The following SUMF1 variants were observed in gnomAD, a reference collection of about 807,000 sequenced individuals.
The protein encoded by SUMF1 is sulfatase modifying factor 1, also known as formylglycine-generating enzyme.
SUMF1 carries 48 observed loss-of-function variants against 47.6 expected under a neutral mutation model. That is an observed-to-expected ratio of 1.01 (90% CI 0.80 to 1.28). The LOEUF (loss-of-function observed/expected upper bound fraction) is 1.28. SUMF1 is among the 50% of genes most tolerant of loss of function. The probability of loss-of-function intolerance (pLI) is 0.00; values close to 1 mark genes in which losing one functional copy is unlikely to be tolerated. For missense variants in SUMF1, 571 were observed against 485.4 expected (o/e 1.18, Z -1.66); for synonymous variants, 230 against 192.1 (o/e 1.20, Z -1.63).
chr3:4,379,745 G>C (rs1700441281), intron 7 of SUMF1, among the ~76,000 whole-genome samples: 1 of 151,442 alleles, frequency 6.6e-6, no homozygotes, highest in Non-Finnish European at 1.5e-5. Context: ...GGGAGGCTGA[G>C]GCAGGAGAAT....
At position 4,158,014 on chromosome 3, in the gene SUMF1, C is replaced by G. The variant is rs1356446783; in HGVS notation, c.1015-89269G>C. On this transcript the variant is annotated intron_variant and NMD_transcript_variant, in intron 8 of 12. Coordinates refer to the SUMF1 transcript ENST00000448413. ...CAGAAAAGCATTTATTTCATTTAAA[C>G]TAGTGCCTTAATTGCTAGACAACCC... is the stretch of plus-strand genomic sequence containing the variant. 1.3e-5 allele frequency among the ~76,000 whole-genome samples: 2 copies of G among 151,514 alleles called. 1 individual carries two copies. Among genetic ancestry groups the G allele is most frequent in the African/African-American group, 4.9e-5 (2 of 40,864 alleles).
chr3:4,456,727 C>CGT (rs1311113739), intron 1 of SUMF1, among the ~76,000 whole-genome samples: 8 of 50,372 alleles, frequency 1.6e-4, no homozygotes, highest in African/African-American at 6.8e-4. Flanking sequence ...CATATATATA[C>CGT]GTGTGTATAT....
At chr3:4,466,936 C>G (rs1318479031) in intron 1 of SUMF1, 40 bp downstream of exon 1, 9 of 1,598,586 alleles carry the variant, frequency 5.6e-6, no homozygotes, top group Non-Finnish European at 7.7e-6. Context: ...GTCCAGGAAC[C>G]GAGCAGCCCC....
At chr3:4,180,467 C>G (rs1050940015) in intron 8 of SUMF1, among the ~76,000 whole-genome samples, 1 of 151,958 alleles carries the variant, frequency 6.6e-6, no homozygotes, top group Non-Finnish European at 1.5e-5. Flanking sequence ...ACCACATGTT[C>G]TCACTCATAG....
intron 9 of SUMF1, among the ~76,000 whole-genome samples, chr3:4,051,230 T>C (rs1036034749): frequency 2.0e-5 from 3 of 151,920 alleles, no homozygotes; most frequent in Admixed American, 6.6e-5. Context: ...CCCCATCCAA[T>C]AGGCTATACA....
chr3:4,092,643 A>G (rs1011251103), intron 8 of SUMF1, among the ~76,000 whole-genome samples: 16 of 152,184 alleles, frequency 1.1e-4, no homozygotes, highest in Non-Finnish European at 2.1e-4. Context: ...GAAAGTGACC[A>G]ACTACTTATA....
At chr3:4,462,242 C>T (rs151205350) in intron 1 of SUMF1, among the ~76,000 whole-genome samples, 5 of 152,292 alleles carry the variant, frequency 3.3e-5, no homozygotes, top group Non-Finnish European at 7.3e-5. Flanking sequence ...CTTTTGACCA[C>T]GGAGATGTAA....
chr3:4,295,229 A>G (rs1239534562), intron 8 of SUMF1, among the ~76,000 whole-genome samples: 1 of 152,014 alleles, frequency 6.6e-6, no homozygotes, highest in Non-Finnish European at 1.5e-5. Flanking sequence ...AGGGGCCTAT[A>G]TAGTTGCAGG....
At chr3:4,093,833 A>G (rs1413157817) in intron 8 of SUMF1, among the ~76,000 whole-genome samples, 1 of 152,166 alleles carries the variant, frequency 6.6e-6, no homozygotes, top group Non-Finnish European at 1.5e-5. Context: ...GAAGGGCCTT[A>G]AATGCCAACT....
At chr3:4,230,507 A>G (rs901111131) in intron 8 of SUMF1, among the ~76,000 whole-genome samples, 2 of 152,132 alleles carry the variant, frequency 1.3e-5, no homozygotes, top group African/African-American at 4.8e-5. Flanking sequence ...CCAGACGGAA[A>G]AGGCACATGG....
intron 8 of SUMF1, chr3:4,317,174 C>T (rs571679358): frequency 2.5e-5 from 39 of 1,549,848 alleles, no homozygotes; most frequent in Middle Eastern, 1.8e-4. Context: ...CGGATTTTTA[C>T]GCTACAGGAA....
Position 4,314,554 on chromosome 3 carries a change from GAC to G in SUMF1, c.1014+61774_1014+61775del, listed in dbSNP as rs1698558137. 2.4e-5 allele frequency among the ~76,000 whole-genome samples: 3 copies of G among 127,138 alleles called. No homozygotes were observed. In the South Asian group the frequency reaches 6.5e-4, roughly 28 times the overall value. 83.4% of individuals were successfully genotyped at this position (127,138 alleles called of 152,430 possible). A position where few individuals can be genotyped will look rare whatever the true frequency, so the allele number is the denominator to read the frequency against. On this transcript the variant is annotated intron_variant and NMD_transcript_variant, in intron 8 of 12. Transcript: ENST00000448413. ...GTTGTAACCAAAAGTCAGAAAAAGA[GAC>G]ACATTGTAAATTTTTCATTTTCATT... is the stretch of plus-strand genomic sequence containing the variant.
intron 3 of SUMF1, among the ~76,000 whole-genome samples, chr3:4,447,025 G>A (rs1323952672): frequency 2.0e-5 from 3 of 152,142 alleles, no homozygotes; most frequent in African/African-American, 7.2e-5. Flanking sequence ...AGAGAGGGGT[G>A]ATGATTAGGA....
At chr3:4,211,204 A>ATATATATATATG (rs1491287409) in intron 8 of SUMF1, among the ~76,000 whole-genome samples, 9 of 59,558 alleles carry the variant, frequency 1.5e-4, no homozygotes, top group African/African-American at 7.3e-4. Context: ...ACATACATAC[A>ATATATATATATG]TATATATATA....
intron 8 of SUMF1, among the ~76,000 whole-genome samples, chr3:4,114,767 C>A (rs1693384416): frequency 6.6e-6 from 1 of 152,226 alleles, no homozygotes; most frequent in Admixed American, 6.5e-5. Flanking sequence ...CATAATTTGT[C>A]CATGTGCATT....
At chr3:4,158,386 G>A (rs9784287) in intron 8 of SUMF1, among the ~76,000 whole-genome samples, 1 of 151,346 alleles carries the variant, frequency 6.6e-6, no homozygotes, top group African/African-American at 2.5e-5. Context: ...TCTATCCCGA[G>A]AATGATCCAT....
At chr3:4,265,062 G>A (rs12494403) in intron 8 of SUMF1, among the ~76,000 whole-genome samples, 54,355 of 150,360 alleles carry the variant, frequency 0.36, 10,664 homozygotes, top group Non-Finnish European at 0.45. Flanking sequence ...GCTTGAACCC[G>A]GGAGGTGGAG....
chr3:4,270,083 A>T (rs1184814401), intron 8 of SUMF1, among the ~76,000 whole-genome samples: 1 of 152,150 alleles, frequency 6.6e-6, no homozygotes, highest in African/African-American at 2.4e-5. Flanking sequence ...GCCAAGGCCC[A>T]GAAGAGGTAG....
At chr3:4,459,100 G>T (rs1490702921) in intron 1 of SUMF1, among the ~76,000 whole-genome samples, 1 of 152,064 alleles carries the variant, frequency 6.6e-6, no homozygotes, top group East Asian at 1.9e-4. Flanking sequence ...TTAGATAGAA[G>T]AAATTAGCTT....
Sources: gnomAD v4.1 joint callset for allele counts (sites outside exome capture counted in the v4.1 genomes callset) on GRCh38, gnomAD v4.1.1 for gene constraint, MANE v1.5 for transcripts, NCBI Gene and HGNC (gene_info 2026-07-23, HGNC 2026-07-21) for gene names.